Variants in CEP83 observed in about 807,000 individuals in gnomAD.
CEP83 encodes centrosomal protein of 83 kDa.
In CEP83, 70 loss-of-function variants were observed where a neutral mutation model predicts 101.9. That is an observed-to-expected ratio of 0.69 (90% confidence interval 0.57 to 0.84). The LOEUF is 0.84. Ranked by LOEUF, CEP83 falls within the 40% of genes least tolerant of loss-of-function variation. The probability of loss-of-function intolerance (pLI) is 0.00; values close to 1 mark genes in which losing one functional copy is unlikely to be tolerated. For missense variants in CEP83, 715 were observed against 787.2 expected (o/e 0.91, Z 1.10); for synonymous variants, 264 against 267.9 (o/e 0.99, Z 0.14).
intron 1 of CEP83, among the ~76,000 whole-genome samples, chr12:94,457,830 C>T (rs1478147680): frequency 2.0e-5 from 3 of 152,122 alleles, no homozygotes; most frequent in African/African-American, 7.2e-5. Context: ...TAACAACTTG[C>T]CATAAAAATT....
the CEP83 span, chr12:94,282,260 T>A: frequency 1.4e-6 from 2 of 1,427,830 alleles, no homozygotes; most frequent in Admixed American, 1.8e-5. Context: ...GGTGGCATTT[T>A]AAAACTCTCT....
chr12:94,384,291 T>A (rs1170696834), intron 6 of CEP83, among the ~76,000 whole-genome samples: 1 of 152,196 alleles, frequency 6.6e-6, no homozygotes, highest in Non-Finnish European at 1.5e-5. Flanking sequence ...TGATTTCTGA[T>A]GAGAAATGAG....
intron 2 of CEP83, chr12:94,424,155 T>C: frequency 1.2e-6 from 2 of 1,603,278 alleles, no homozygotes; most frequent in Non-Finnish European, 1.7e-6. Context: ...GCAAGCATCC[T>C]GTTGGGGGTG....
intron 4 of CEP83, 73 bp downstream of exon 4, chr12:94,411,624 A>T: frequency 8.7e-7 from 1 of 1,148,244 alleles, no homozygotes. Flanking sequence ...TGCCATATTC[A>T]CCAAAACTAC....
the CEP83 span, among the ~76,000 whole-genome samples, chr12:94,279,291 T>C: frequency 6.6e-6 from 1 of 152,206 alleles, no homozygotes; most frequent in Admixed American, 6.5e-5. Context: ...TGTTTTCCCT[T>C]CCATTATCCC....
chr12:94,318,438 CTT>C (rs1971077622), intron 14 of CEP83, among the ~76,000 whole-genome samples: 1 of 152,124 alleles, frequency 6.6e-6, no homozygotes, highest in African/African-American at 2.4e-5. Flanking sequence ...CTGGCCAGGA[CTT>C]TTAATACTAT....
chr12:94,358,554 A>G (rs927642469), intron 11 of CEP83, among the ~76,000 whole-genome samples: 4 of 152,234 alleles, frequency 2.6e-5, no homozygotes, highest in African/African-American at 9.6e-5. Context: ...TAGTTGCTGA[A>G]CAATTAGAAA....
chr12:94,305,438 T>C (rs1333375093), downstream of CEP83: 1 of 591,794 alleles, frequency 1.7e-6, no homozygotes, highest in Non-Finnish European at 3.0e-6. Flanking sequence ...CATGCACAGC[T>C]TTTAGAAAGC....
At chr12:94,295,357 C>G in the CEP83 span, among the ~76,000 whole-genome samples, 1 of 152,226 alleles carries the variant, frequency 6.6e-6, no homozygotes, top group African/African-American at 2.4e-5. Flanking sequence ...CTATATGGGG[C>G]TGTGGTGAAG....
At chr12:94,323,671 C>T (rs1026029827) in intron 14 of CEP83, among the ~76,000 whole-genome samples, 1 of 152,144 alleles carries the variant, frequency 6.6e-6, no homozygotes, top group Admixed American at 6.5e-5. Flanking sequence ...ACCAGCCTCC[C>T]CCTCCATTTC....
chr12:94,297,233 T>G, the CEP83 span: 2 of 1,613,888 alleles, frequency 1.2e-6, no homozygotes, highest in African/African-American at 1.3e-5. Context: ...GAGTTCAGGC[T>G]TTCTTGTGCT....
At chr12:94,300,894 TTCTC>T in the CEP83 span, 1 of 1,603,982 alleles carries the variant, frequency 6.2e-7, no homozygotes, top group Non-Finnish European at 8.5e-7. Flanking sequence ...AAAGAGATTA[TTCTC>T]TCTTTGAACA....
intron 2 of CEP83, among the ~76,000 whole-genome samples, chr12:94,416,924 A>G (rs2064318548): frequency 6.6e-6 from 1 of 152,060 alleles, no homozygotes; most frequent in Non-Finnish European, 1.5e-5. Context: ...GGAAGATCAC[A>G]TGGGGAGCCA....
chr12:94,406,364 C>A (rs1008208585), intron 4 of CEP83, among the ~76,000 whole-genome samples: 1 of 151,558 alleles, frequency 6.6e-6, no homozygotes, highest in South Asian at 2.1e-4. Context: ...ACAACAACAA[C>A]AACAACAACA....
the CEP83 span, chr12:94,297,549 G>A: frequency 1.5e-6 from 1 of 662,680 alleles, no homozygotes; most frequent in Non-Finnish European, 2.6e-6. Flanking sequence ...CAAAATGAAA[G>A]TTTAAATTGT....
Position 94,424,026 on chromosome 12 carries a change from G to A in CEP83, c.-102+11249C>T. The A allele has an allele frequency of 1.9e-6, 3 of 1,612,690 alleles. No homozygotes were observed. The South Asian group carries it at 3.3e-5, about 18-fold the overall frequency. ...GGTGTCAGAACTGAACCTGAAGGCT[G>A]CATGAGGTATGAATGGTGGTGCATC... On this transcript the variant is annotated intron_variant, in intron 2 of 16. Coordinates refer to ENST00000397809, the MANE Select transcript of CEP83 (RefSeq NM_016122.3).
At chr12:94,268,243 A>G in the CEP83 span, among the ~76,000 whole-genome samples, 2 of 152,222 alleles carry the variant, frequency 1.3e-5, no homozygotes, top group East Asian at 3.8e-4. Flanking sequence ...ATTTTCTAGA[A>G]CATAAAGGCA....
intron 2 of CEP83, among the ~76,000 whole-genome samples, chr12:94,433,660 T>A (rs922717130): frequency 6.7e-6 from 1 of 150,240 alleles, no homozygotes; most frequent in African/African-American, 2.5e-5. Flanking sequence ...CCAGCCTGGG[T>A]GACGAGGTGA....
intron 1 of CEP83, among the ~76,000 whole-genome samples, chr12:94,441,928 A>C (rs911469515): frequency 1.3e-5 from 2 of 151,170 alleles, no homozygotes; most frequent in African/African-American, 4.9e-5. Flanking sequence ...AAAAAAAAAA[A>C]AAAAAAAAAC....
Sources: gnomAD v4.1 joint callset for allele counts (sites outside exome capture counted in the v4.1 genomes callset) on GRCh38, gnomAD v4.1.1 for gene constraint, MANE v1.5 for transcripts, NCBI Gene and HGNC (gene_info 2026-07-23, HGNC 2026-07-21) for gene names.